The following TRIM36 variants were observed in gnomAD, a reference collection of about 807,000 sequenced individuals.
TRIM36 encodes the protein tripartite motif containing 36, also known as E3 ubiquitin-protein ligase TRIM36.
Under a neutral mutation model 72.4 loss-of-function variants are expected in TRIM36, and 42 were observed. The observed-to-expected ratio is 0.58, with a 90% CI of 0.45 to 0.75. TRIM36 has a LOEUF of 0.75. Ranked by LOEUF, TRIM36 falls within the 30% of genes least tolerant of loss-of-function variation. The probability of loss-of-function intolerance (pLI) is 0.00; values close to 1 mark genes in which losing one functional copy is unlikely to be tolerated. For missense variants in TRIM36, 913 were observed against 857.1 expected, an observed-to-expected ratio of 1.07 and a Z score of -0.81; for synonymous variants, 315 against 282.8, an observed-to-expected ratio of 1.11 and a Z score of -1.14.
chr5:115,145,145 T>C (rs1017026905), intron 3 of TRIM36, among the ~76,000 whole-genome samples: 2 of 152,216 alleles, frequency 1.3e-5, no homozygotes, highest in African/African-American at 2.4e-5. Flanking sequence ...AAAGTCAATA[T>C]TTTTAATGAA....
rs151147288 is a variant in TRIM36 at position 115,163,738 on chromosome 5, A to T, written c.42T>A (p.Asn14Lys). ...CTGGGCAAATGAGCTCCCTTTCGATATTCTTAATGGTAACCTTGAGAGTAA... is the reference window on the plus strand; with the variant it reads ...CTGGGCAAATGAGCTCCCTTTCGATTTTCTTAATGGTAACCTTGAGAGTAA... ...DGSDSPVTIKNIERELICPAC... is the reference protein window; with the variant it reads ...DGSDSPVTIKKIERELICPAC... Residue 14 changes from asparagine (N) to lysine (K), a missense_variant, in exon 2 of 10, where the codon AAT becomes AAA. By Grantham distance (94) the Asn-to-Lys change is moderately conservative. Coordinates refer to ENST00000513154, the MANE Select transcript of TRIM36 (RefSeq NM_001300759.2). The T allele has an allele frequency of 6.2e-7, 1 of 1,614,140 alleles. No individual in the cohort carries two copies. Among genetic ancestry groups the T allele is most frequent in the East Asian group, 2.2e-5 (1 of 44,882 alleles).
intron 2 of TRIM36, among the ~76,000 whole-genome samples, chr5:115,160,016 A>T (rs1351585535): frequency 3.3e-5 from 5 of 151,554 alleles, no homozygotes; most frequent in Admixed American, 6.6e-5. Context: ...AATAACTGTT[A>T]AAAAAAAGAA....
intron 4 of TRIM36, among the ~76,000 whole-genome samples, chr5:115,141,727 A>T (rs1173374901): frequency 2.0e-5 from 3 of 152,112 alleles, no homozygotes; most frequent in African/African-American, 7.2e-5. Flanking sequence ...CAGCAATTCA[A>T]ATAGTTTTGT....
intron 7 of TRIM36, among the ~76,000 whole-genome samples, chr5:115,135,434 C>A (rs1481495171): frequency 6.6e-6 from 1 of 151,784 alleles, no homozygotes; most frequent in Non-Finnish European, 1.5e-5. Flanking sequence ...TAGTATGTCG[C>A]CTACCCCATA....
At chr5:115,166,413 G>A (rs1337522467) in intron 1 of TRIM36, among the ~76,000 whole-genome samples, 1 of 152,152 alleles carries the variant, frequency 6.6e-6, no homozygotes, top group Non-Finnish European at 1.5e-5. Context: ...AAAATGACCT[G>A]CCTGCAGAGA....
chr5:115,156,529 G>T (rs942316012), intron 2 of TRIM36, among the ~76,000 whole-genome samples: 2 of 152,138 alleles, frequency 1.3e-5, no homozygotes, highest in Non-Finnish European at 2.9e-5. Flanking sequence ...ACAGCCAACT[G>T]ATCTTCAGCA....
chr5:115,177,832 C>T (rs768043116), intron 1 of TRIM36: 3 of 1,613,932 alleles, frequency 1.9e-6, no homozygotes, highest in African/African-American at 2.7e-5. Flanking sequence ...AGAAGTCAAC[C>T]GGGAATGCTC....
At chr5:115,165,653 C>T (rs532542966) in intron 1 of TRIM36, among the ~76,000 whole-genome samples, 89 of 152,334 alleles carry the variant, frequency 5.8e-4, no homozygotes, top group African/African-American at 2.0e-3. Context: ...GCCGGACCTG[C>T]TTGCTCTGCA....
At chr5:115,136,642 T>C (rs1335034413) in intron 7 of TRIM36, among the ~76,000 whole-genome samples, 1 of 152,186 alleles carries the variant, frequency 6.6e-6, no homozygotes, top group East Asian at 1.9e-4. Context: ...AAAAGTCTCT[T>C]AGTAGGAAAA....
At chr5:115,157,515 G>T (rs1330952874) in intron 2 of TRIM36, among the ~76,000 whole-genome samples, 1 of 151,982 alleles carries the variant, frequency 6.6e-6, no homozygotes, top group African/African-American at 2.4e-5. Flanking sequence ...AGTGAGCCAA[G>T]ATCACGCCAT....
At chr5:115,156,103 C>T (rs1416880480) in intron 2 of TRIM36, among the ~76,000 whole-genome samples, 1 of 151,954 alleles carries the variant, frequency 6.6e-6, no homozygotes, top group African/African-American at 2.4e-5. Flanking sequence ...ATATACTCAA[C>T]CAAGGAAGTG....
chr5:115,141,335 C>T lies in TRIM36; in HGVS notation c.775G>A (p.Glu259Lys), dbSNP rs745955084. The change falls in exon 5 of 10, where the codon GAA (glutamate) becomes AAA (lysine). Residue 259 changes from glutamate (E) to lysine (K), a missense_variant. Glu to Lys is a moderately conservative substitution (Grantham distance 56). Transcript: ENST00000513154. ...SKDIDYLIGK[E>K]SQVKSQISEL... ...GATATTTGACTCTTCACCTGGCTTTCCTTACCAATAAGGTAATCAATATCC... is the reference window on the plus strand; with the variant it reads ...GATATTTGACTCTTCACCTGGCTTTTCTTACCAATAAGGTAATCAATATCC... The T allele has an allele frequency of 6.2e-7, 1 of 1,606,056 alleles. No individual in the cohort carries two copies. Among genetic ancestry groups the T allele is most frequent in the Non-Finnish European group, 8.5e-7 (1 of 1,177,888 alleles).
intron 2 of TRIM36, among the ~76,000 whole-genome samples, chr5:115,157,678 T>C (rs1294707189): frequency 6.6e-6 from 1 of 152,130 alleles, no homozygotes; most frequent in Non-Finnish European, 1.5e-5. Context: ...CACACATATG[T>C]TTATGGCAGC....
upstream of TRIM36, among the ~76,000 whole-genome samples, chr5:115,170,811 C>G (rs1755076553): frequency 6.6e-6 from 1 of 152,242 alleles, no homozygotes; most frequent in Non-Finnish European, 1.5e-5. Context: ...AGGGCCAGGA[C>G]AGAGGGTCCT....
At chr5:115,179,170 G>A (rs888599068) in intron 1 of TRIM36, among the ~76,000 whole-genome samples, 1 of 152,170 alleles carries the variant, frequency 6.6e-6, no homozygotes, top group Admixed American at 6.5e-5. Flanking sequence ...TTCCCGACAC[G>A]TTCCGCCTGC....
intron 1 of TRIM36, chr5:115,177,629 G>A (rs1755394561): frequency 1.9e-6 from 3 of 1,541,816 alleles, no homozygotes; most frequent in South Asian, 1.3e-5. Context: ...GGGCTGCGGG[G>A]CGGGGCAGGA....
At position 115,125,080 on chromosome 5, in the gene TRIM36, G is replaced by A. The variant is rs1257250347; in HGVS notation, c.*1423C>T. ...TTGCTACTTGAGTTGAGGGTAAAAA[G>A]CTAATTTAATGCTACCAGCCTGAGT... On this transcript the variant is annotated 3_prime_UTR_variant, in exon 10 of 10. Coordinates refer to ENST00000513154, the MANE Select transcript of TRIM36 (RefSeq NM_001300759.2). 1 of 152,458 alleles carries A rather than the reference G, an allele frequency of 6.6e-6. No homozygotes were observed. The highest frequency in any genetic ancestry group is 2.4e-5 in the African/African-American group (1 of 41,426). 9.4% of individuals were successfully genotyped at this position (152,458 alleles called of 1,614,324 possible).
upstream of TRIM36, among the ~76,000 whole-genome samples, chr5:115,170,836 C>A (rs555352985): frequency 3.8e-3 from 584 of 152,334 alleles, 6 homozygotes; most frequent in Non-Finnish European, 5.5e-3. Context: ...GGCTCCGGCA[C>A]CCCCGCACCC....
At chr5:115,141,163 T>G in intron 5 of TRIM36, 116 bp downstream of exon 5, 1 of 729,426 alleles carries the variant, frequency 1.4e-6, no homozygotes, top group Non-Finnish European at 2.2e-6. Flanking sequence ...GGGTGAAATC[T>G]AACACAACTT....
Sources: gnomAD v4.1 joint callset for allele counts (sites outside exome capture counted in the v4.1 genomes callset) on GRCh38, gnomAD v4.1.1 for gene constraint, MANE v1.5 for transcripts, NCBI Gene and HGNC (gene_info 2026-07-23, HGNC 2026-07-21) for gene names.